TECPR1: variants seen among roughly 807,000 people sequenced by gnomAD.
TECPR1 encodes tectonin beta-propeller repeat-containing protein 1.
TECPR1 carries 122 observed loss-of-function variants against 162.4 expected under a neutral mutation model. The ratio of observed to expected loss-of-function variants is 0.75; its 90% confidence interval spans 0.65 to 0.87. The LOEUF is 0.87. TECPR1 is among the 40% of genes least tolerant of loss of function. The probability of loss-of-function intolerance (pLI) is 0.00; values close to 1 mark genes in which losing one functional copy is unlikely to be tolerated. For missense variants in TECPR1, 1,432 were observed against 1,618.2 expected (o/e 0.88, Z 1.97); for synonymous variants, 642 against 670.6 (o/e 0.96, Z 0.66).
Position 98,224,882 on chromosome 7 carries a change from T to A in TECPR1, c.2611-2A>T. On this transcript the variant is annotated splice_acceptor_variant, in intron 18 of 25. Coordinates refer to ENST00000447648, the MANE Select transcript of TECPR1 (RefSeq NM_015395.3). LOFTEE classifies it high-confidence loss of function. ...GAAATCCACGAACCAGTCGGAAACC[T>A]GGGAGGAGTGGGTCAGTGAGGATGG... 1.9e-6 allele frequency: 3 copies of A among 1,558,950 alleles called. No homozygotes were observed. The highest frequency in any genetic ancestry group is 2.6e-6 in the Non-Finnish European group (3 of 1,151,786).
intron 1 of TECPR1, 140 bp from the exon 2 acceptor site, chr7:98,251,688 G>T (rs1005591006): frequency 6.6e-6 from 1 of 152,292 alleles, no homozygotes; most frequent in African/African-American, 2.4e-5. Flanking sequence ...TGGGTGACAG[G>T]TGGGGCCCCT....
chr7:98,245,347 T>C (rs1313249374), intron 3 of TECPR1, among the ~76,000 whole-genome samples: 1 of 152,224 alleles, frequency 6.6e-6, no homozygotes, highest in Admixed American at 6.5e-5. Flanking sequence ...GGGCACACCT[T>C]GTCCTAGGCT....
At chr7:98,219,325 C>A (rs1798089130) in intron 23 of TECPR1, among the ~76,000 whole-genome samples, 3 of 152,108 alleles carry the variant, frequency 2.0e-5, no homozygotes, top group African/African-American at 7.2e-5. Context: ...AGGGCTTTGC[C>A]TGGGCAAAGG....
chr7:98,251,070 G>A (rs1202127328), intron 2 of TECPR1: 1 of 152,150 alleles, frequency 6.6e-6, no homozygotes. Context: ...TGGGTCAGAG[G>A]ACTCTTGAAA....
At chr7:98,237,892 C>A (rs761975745) in intron 9 of TECPR1, among the ~76,000 whole-genome samples, 34 of 152,300 alleles carry the variant, frequency 2.2e-4, no homozygotes, top group Non-Finnish European at 3.7e-4. Flanking sequence ...CCTGCCTTGG[C>A]CTCCTGAGTA....
rs373496894 is a variant in TECPR1, at chr7:98,232,942, A to G, written c.1703T>C (p.Leu568Pro). ...AGCGGTCTGGGCCGGCGTGATGGAC[A>G]GGGACAGCATGTGTACCGAGGAGGA... ...GLSSSVHMLS[L>P]SITPAQTAAW... The change falls in exon 12 of 26, where the codon CTG becomes CCG. Residue 568 changes from leucine to proline, a missense_variant. Leu to Pro is a moderately conservative substitution (Grantham distance 98, BLOSUM62 -3). Coordinates refer to ENST00000447648, the MANE Select transcript of TECPR1 (RefSeq NM_015395.3). This position sits in a 1 kb window ranked among gnomAD's most constrained non-coding sequence, Gnocchi z 4.6. 1 of 1,612,382 alleles carries G rather than the reference A, an allele frequency of 6.2e-7. No individual in the cohort carries two copies. The highest frequency in any genetic ancestry group is 1.3e-5 in the African/African-American group (1 of 74,926).
intron 8 of TECPR1, 38 bp downstream of exon 8, chr7:98,240,813 T>C (rs750527846): frequency 1.1e-4 from 170 of 1,536,932 alleles, no homozygotes; most frequent in Non-Finnish European, 1.1e-4. Context: ...CTCCAACTCC[T>C]GGGCTCAAGT....
Position 98,231,020 on chromosome 7 carries a change from G to A in TECPR1, c.2223C>T (p.Phe741=), listed in dbSNP as rs748165748. ...CCAGGTCTGGGCTGGGCTCGCTCAC[G>A]AAGATGTCCCCCTTGCAGGTGATGG... is the stretch of plus-strand genomic sequence containing the variant. The part of the protein sequence containing the change: ...IWSITCKGDI[F]VSEPSPDLEA... Residue 741 remains phenylalanine, a synonymous_variant, in exon 15 of 26, where the codon TTC becomes TTT. Coordinates refer to ENST00000447648, the MANE Select transcript of TECPR1 (RefSeq NM_015395.3). 9.3e-6 allele frequency: 15 copies of A among 1,612,802 alleles called. 1 individual carries two copies. The highest frequency in any genetic ancestry group is 8.8e-5 in the South Asian group (8 of 91,024).
intron 22 of TECPR1, among the ~76,000 whole-genome samples, 155 bp downstream of exon 22, chr7:98,222,231 G>T (rs1269010880): frequency 6.6e-6 from 1 of 152,178 alleles, no homozygotes; most frequent in Non-Finnish European, 1.5e-5. Flanking sequence ...CATTACCAGG[G>T]TGACCACCTC....
intron 2 of TECPR1, among the ~76,000 whole-genome samples, chr7:98,248,374 G>A (rs1015500870): frequency 1.3e-5 from 2 of 151,934 alleles, no homozygotes; most frequent in African/African-American, 2.4e-5. Flanking sequence ...CTTAAAAACC[G>A]GAGCAAAAGG....
In TECPR1 at chr7:98,217,344, C is replaced by T. The variant is rs546036719; in HGVS notation, c.*46G>A. 118 of 1,245,238 alleles carry T rather than the reference C, an allele frequency of 9.5e-5. No homozygotes were observed. The African/African-American group carries it at 1.4e-3, about 14-fold the overall frequency. The allele number at this position is 1,245,238 out of a possible 1,614,324, so 77.1% of individuals were successfully genotyped here. A position where few individuals can be genotyped will look rare whatever the true frequency, so the allele number is the denominator to read the frequency against. On this transcript the variant is annotated 3_prime_UTR_variant, in exon 26 of 26. Transcript: ENST00000447648. ...AGCACAAGAATGGCTCAGCCTTGAT[C>T]CCCCAAACTGGGCACCGTCCCTGCA...
rs200093432 is a variant in TECPR1, at chr7:98,243,581, C to A, written c.543G>T (p.Lys181Asn). ...GGTCGGGCAGCTCCTTGGGGTCATC[C>A]TTCGAGGGGATCTGAAGGAAGGAAG... ...SRDIWAKIPS[K>N]DDPKELPDPF... is the part of the protein sequence containing the mutation. Residue 181 changes from lysine to asparagine, a missense_variant, in exon 6 of 26, where the codon AAG becomes AAT. Lys to Asn is a moderately conservative substitution (Grantham distance 94, BLOSUM62 0). Coordinates refer to ENST00000447648, the MANE Select transcript of TECPR1 (RefSeq NM_015395.3). 66 of 1,612,062 alleles carry A rather than the reference C, an allele frequency of 4.1e-5. No individual in the cohort carries two copies. The African/African-American group carries it at 8.0e-4, about 20-fold the overall frequency.
intron 2 of TECPR1, among the ~76,000 whole-genome samples, chr7:98,248,845 C>A (rs1584362954): frequency 2.8e-5 from 4 of 144,924 alleles, no homozygotes; most frequent in Admixed American, 6.9e-5. Context: ...GACTCCGTCT[C>A]AAAAAAAAAC....
intron 1 of TECPR1, chr7:98,251,808 A>G (rs1198750766): frequency 6.6e-6 from 1 of 152,274 alleles, no homozygotes; most frequent in Non-Finnish European, 1.5e-5. Flanking sequence ...AGGGATAGGC[A>G]GGCCCCTTGC....
chr7:98,237,651 T>C (rs546158967), intron 9 of TECPR1, among the ~76,000 whole-genome samples: 2 of 152,310 alleles, frequency 1.3e-5, no homozygotes, highest in South Asian at 4.1e-4. Flanking sequence ...GTATTTTTAG[T>C]AGACACAAGG....
chr7:98,231,164 C>T, intron 14 of TECPR1, 46 bp from the exon 15 acceptor site: 1 of 1,606,776 alleles, frequency 6.2e-7, no homozygotes, highest in Non-Finnish European at 8.5e-7. Flanking sequence ...CCAGGCCAGG[C>T]CAGGCCACCC....
At position 98,216,747 on chromosome 7, in the gene TECPR1, C is replaced by T. The variant is rs12531290; in HGVS notation, c.*643G>A. ...AATTTTTTTTTTTTTGTATTTTTAG[C>T]AGAGATGGGGTTTCACCATGTTGGC... is the stretch of plus-strand genomic sequence containing the variant. On this transcript the variant is annotated 3_prime_UTR_variant, in exon 26 of 26. Coordinates refer to ENST00000447648, the MANE Select transcript of TECPR1 (RefSeq NM_015395.3). The T allele has an allele frequency of 0.96, 144,721 of 150,530 alleles. 69,858 individuals carry two copies. The highest frequency in any genetic ancestry group is 1 in the East Asian group (5,071 of 5,072). The allele number at this position is 150,530 out of a possible 1,614,324, so 9.3% of individuals were successfully genotyped here.
At position 98,231,936 on chromosome 7, in the gene TECPR1, C is replaced by T. The variant is rs373598220; in HGVS notation, c.1842G>A (p.Ala614=). 417 of 1,606,882 alleles carry T rather than the reference C, an allele frequency of 2.6e-4. 1 individual carries two copies. The African/African-American group carries it at 4.7e-3, about 18-fold the overall frequency. ...VEQSVWVKTG[A]LQWWCDWKPH... The stretch of plus-strand genomic sequence containing the variant: ...GCTTCCAGTCGCACCACCACTGCAG[C>T]GCCCCGGTCTTCACCCACACCGACT... The change falls in exon 13 of 26, where the codon GCG becomes GCA. Residue 614 remains alanine, a synonymous_variant. Coordinates refer to ENST00000447648, the MANE Select transcript of TECPR1 (RefSeq NM_015395.3).
chr7:98,247,821 CA>C (rs1164628583), intron 2 of TECPR1, among the ~76,000 whole-genome samples: 14 of 152,180 alleles, frequency 9.2e-5, no homozygotes, highest in Non-Finnish European at 1.8e-4. Flanking sequence ...CTCCTGAACT[CA>C]AGCCATCCTC....
Sources: gnomAD v4.1 joint callset for allele counts (sites outside exome capture counted in the v4.1 genomes callset) on GRCh38, gnomAD v4.1.1 for gene constraint, Gnocchi (gnomAD v3.1) non-coding constraint, MANE v1.5 for transcripts, NCBI Gene and HGNC (gene_info 2026-07-23, HGNC 2026-07-21) for gene names.